AGBL1: variants seen among roughly 807,000 people sequenced by gnomAD.
AGBL1 encodes cytosolic carboxypeptidase 4.
A neutral mutation model predicts 118.9 loss-of-function variants in AGBL1; 130 were observed. That is an observed-to-expected ratio of 1.09 (90% confidence interval 0.95 to 1.26). The LOEUF (loss-of-function observed/expected upper bound fraction) is 1.26, where lower values mean the gene tolerates loss of function less well. AGBL1 is among the 50% of genes most tolerant of loss of function. AGBL1 has a pLI of 0.00. For synonymous variants in AGBL1, 555 were observed against 478.9 expected (o/e 1.16, Z -2.08); for missense variants, 1,584 against 1,298.1 (o/e 1.22, Z -3.38).
chr15:86,082,577 C>T (rs1246732138), intron 1 of AGBL1, among the ~76,000 whole-genome samples: 1 of 152,214 alleles, frequency 6.6e-6, no homozygotes, highest in Admixed American at 6.5e-5. Context: ...GGATGTCCTC[C>T]TACTTAAGCA....
At chr15:86,561,534 C>A (rs994373297) in intron 21 of AGBL1, among the ~76,000 whole-genome samples, 30 of 152,250 alleles carry the variant, frequency 2.0e-4, no homozygotes, top group African/African-American at 6.7e-4. Context: ...GGTACCAGTA[C>A]CATGCTGTTT....
intron 5 of AGBL1, among the ~76,000 whole-genome samples, chr15:86,195,032 A>G (rs1372134304): frequency 2.6e-5 from 4 of 152,112 alleles, no homozygotes; most frequent in South Asian, 4.2e-4. Flanking sequence ...TACTTCTTCA[A>G]TTGATCTATG....
At chr15:86,374,089 A>C (rs12372946) in intron 17 of AGBL1, among the ~76,000 whole-genome samples, 38,610 of 152,030 alleles carry the variant, frequency 0.25, 5,690 homozygotes, top group East Asian at 0.65. Flanking sequence ...TTTAGACAGA[A>C]ACTCAAGTCT....
intron 1 of AGBL1, among the ~76,000 whole-genome samples, chr15:86,128,804 T>A (rs1281657736): frequency 6.6e-6 from 1 of 152,204 alleles, no homozygotes; most frequent in African/African-American, 2.4e-5. Flanking sequence ...ATGACAATTA[T>A]AGCTATTAAT....
chr15:86,492,135 A>G (rs1222632126), intron 18 of AGBL1, among the ~76,000 whole-genome samples: 2 of 152,090 alleles, frequency 1.3e-5, no homozygotes, highest in African/African-American at 2.4e-5. Context: ...GAGTGAAGCT[A>G]TGATGAAGAT....
chr15:86,331,597 C>T (rs147081442), intron 17 of AGBL1, among the ~76,000 whole-genome samples: 3 of 152,298 alleles, frequency 2.0e-5, no homozygotes, highest in African/African-American at 4.8e-5. Flanking sequence ...AAGCTAACAG[C>T]AGACTTCACA....
At chr15:86,523,101 C>T in intron 19 of AGBL1, 162 bp downstream of exon 19, 1 of 813,274 alleles carries the variant, frequency 1.2e-6, no homozygotes. Flanking sequence ...GGCTGCTGTA[C>T]CAAACTGCCA....
chr15:86,191,619 A>T (rs2077722985), intron 5 of AGBL1, among the ~76,000 whole-genome samples: 1 of 152,060 alleles, frequency 6.6e-6, no homozygotes, highest in Admixed American at 6.6e-5. Context: ...GAGAATGCCA[A>T]CCGTTGTGAA....
At chr15:86,955,351 C>T (rs2080918880) in intron 23 of AGBL1, among the ~76,000 whole-genome samples, 1 of 151,804 alleles carries the variant, frequency 6.6e-6, no homozygotes. Flanking sequence ...GGGTTGCTAA[C>T]AAAATAGTAC....
chr15:87,000,110 G>A (rs1420098019), intron 24 of AGBL1, among the ~76,000 whole-genome samples: 1 of 82,894 alleles, frequency 1.2e-5, no homozygotes, highest in African/African-American at 3.9e-5. Flanking sequence ...TGAGTTCATT[G>A]TAGATTCTGG....
chr15:86,112,868 C>G (rs945009336), intron 1 of AGBL1, among the ~76,000 whole-genome samples: 1 of 151,984 alleles, frequency 6.6e-6, no homozygotes, highest in African/African-American at 2.4e-5. Context: ...TTAAAATAAG[C>G]CTATTAGCTA....
intron 22 of AGBL1, among the ~76,000 whole-genome samples, chr15:86,751,820 A>G (rs1476764200): frequency 6.6e-6 from 1 of 152,130 alleles, no homozygotes; most frequent in Non-Finnish European, 1.5e-5. Context: ...GAAAAGGTTT[A>G]TTATTAGCAC....
At chr15:86,740,333 A>G (rs1420781384) in intron 22 of AGBL1, among the ~76,000 whole-genome samples, 1 of 152,218 alleles carries the variant, frequency 6.6e-6, no homozygotes, top group Non-Finnish European at 1.5e-5. Context: ...CTCTGTATAT[A>G]TAAATTGAAG....
chr15:86,745,322 T>C (rs914864701), intron 22 of AGBL1, among the ~76,000 whole-genome samples: 6 of 152,092 alleles, frequency 3.9e-5, no homozygotes, highest in Admixed American at 2.6e-4. Flanking sequence ...ATATAGAGGC[T>C]GTAAGTTTAC....
chr15:86,686,470 G>A (rs1307127493), intron 22 of AGBL1, among the ~76,000 whole-genome samples: 2 of 127,996 alleles, frequency 1.6e-5, no homozygotes, highest in Non-Finnish European at 3.2e-5. Flanking sequence ...TTGAGATGAA[G>A]TCTTGCCCTG....
chr15:86,429,950 C>G (rs1301757593), intron 18 of AGBL1, among the ~76,000 whole-genome samples: 1 of 152,174 alleles, frequency 6.6e-6, no homozygotes, highest in Non-Finnish European at 1.5e-5. Context: ...AAGCTTGGAG[C>G]TGCTTTTCTG....
chr15:86,260,865 C>T (rs1457901405), intron 9 of AGBL1, among the ~76,000 whole-genome samples: 1 of 152,178 alleles, frequency 6.6e-6, no homozygotes, highest in African/African-American at 2.4e-5. Context: ...GCTGTGAGGA[C>T]ACAGAAGCAG....
chr15:86,195,543 G>A (rs181414398), intron 5 of AGBL1, among the ~76,000 whole-genome samples: 2 of 152,218 alleles, frequency 1.3e-5, no homozygotes, highest in East Asian at 3.9e-4. Context: ...AAAAAAGATT[G>A]GATATCTATT....
At chr15:86,125,280 T>C (rs1486826150) in intron 1 of AGBL1, among the ~76,000 whole-genome samples, 1 of 152,186 alleles carries the variant, frequency 6.6e-6, no homozygotes, top group Non-Finnish European at 1.5e-5. Context: ...ACCCTCCACT[T>C]CCTCACTGTC....
Sources: allele counts gnomAD v4.1 joint callset (sites outside exome capture counted in the v4.1 genomes callset), GRCh38; gene constraint gnomAD v4.1.1; transcripts MANE v1.5; gene names NCBI Gene and HGNC (gene_info 2026-07-23, HGNC 2026-07-21).